The following ITGA8 variants were observed in gnomAD, a reference collection of about 807,000 sequenced individuals.
ITGA8 encodes integrin subunit alpha 8.
Under a neutral mutation model 142.3 loss-of-function variants are expected in ITGA8, and 91 were observed. The observed-to-expected ratio is 0.64, with a 90% CI of 0.54 to 0.76. ITGA8 has a LOEUF of 0.76. Ranked by LOEUF, ITGA8 falls within the 30% of genes least tolerant of loss-of-function variation. ITGA8 has a pLI of 0.00. For synonymous variants in ITGA8, 505 were observed against 485.2 expected (o/e 1.04, Z -0.54); for missense variants, 1,406 against 1,327.7 (o/e 1.06, Z -0.92).
chr10:15,694,913 G>A (rs949525732), intron 2 of ITGA8, among the ~76,000 whole-genome samples: 14 of 151,634 alleles, frequency 9.2e-5, no homozygotes, highest in Admixed American at 6.6e-4. Flanking sequence ...TACTAACCAC[G>A]AAAAGGAGAC....
chr10:15,683,288 T>TCCGTCCAC (rs1834772939), intron 4 of ITGA8, among the ~76,000 whole-genome samples: 2 of 103,420 alleles, frequency 1.9e-5, no homozygotes, highest in African/African-American at 6.8e-5. Flanking sequence ...CATCCATCCA[T>TCCGTCCAC]CCATCCACCC....
intron 13 of ITGA8, among the ~76,000 whole-genome samples, chr10:15,634,615 A>G (rs1016653970): frequency 1.3e-5 from 2 of 152,182 alleles, no homozygotes; most frequent in African/African-American, 2.4e-5. Flanking sequence ...AAGTCACTCA[A>G]CACATACTTG....
intron 2 of ITGA8, among the ~76,000 whole-genome samples, chr10:15,708,592 A>G (rs1835304870): frequency 6.6e-6 from 1 of 152,220 alleles, no homozygotes; most frequent in Non-Finnish European, 1.5e-5. Flanking sequence ...AAATTAAAAA[A>G]AAAGTTTTAA....
chr10:15,585,180 T>C (rs1832801282), intron 23 of ITGA8, among the ~76,000 whole-genome samples: 1 of 152,068 alleles, frequency 6.6e-6, no homozygotes, highest in Admixed American at 6.6e-5. Context: ...ATACATAAAA[T>C]ACGATTTTAT....
At chr10:15,704,441 C>T (rs149645806) in intron 2 of ITGA8, among the ~76,000 whole-genome samples, 190 of 152,272 alleles carry the variant, frequency 1.2e-3, no homozygotes, top group African/African-American at 4.2e-3. Flanking sequence ...TTCTCAAATG[C>T]GAAACCAGGT....
Position 15,644,639 on chromosome 10 carries a change from T to C in ITGA8, c.1208-418A>G, listed in dbSNP as rs996624106. ...CCACTGTGCTTGGCCATAGAGACGT[T>C]TCTTTTTTAAGTACAGAAGAATGGT... On this transcript the variant is annotated intron_variant, in intron 12 of 29. Transcript: ENST00000378076. Among the ~76,000 whole-genome samples, 5 of 150,254 alleles carry C rather than the reference T, an allele frequency of 3.3e-5. No homozygotes were observed. In the East Asian group the frequency reaches 9.9e-4, roughly 30 times the overall value.
intron 25 of ITGA8, among the ~76,000 whole-genome samples, chr10:15,563,013 A>G (rs1834011111): frequency 6.6e-6 from 1 of 152,202 alleles, no homozygotes; most frequent in Non-Finnish European, 1.5e-5. Context: ...CTCTGAGTTC[A>G]TATGAGATCT....
At chr10:15,684,805 TAATC>T (rs1157605140) in intron 3 of ITGA8, among the ~76,000 whole-genome samples, 1 of 152,222 alleles carries the variant, frequency 6.6e-6, no homozygotes, top group Non-Finnish European at 1.5e-5. Flanking sequence ...AACAGTGAAT[TAATC>T]AGTGTGATGT....
intron 13 of ITGA8, among the ~76,000 whole-genome samples, chr10:15,631,946 G>T (rs1254840507): frequency 6.6e-6 from 1 of 151,928 alleles, no homozygotes; most frequent in Non-Finnish European, 1.5e-5. Context: ...AACTTAAACT[G>T]ACAAATGATT....
intron 7 of ITGA8, 34 bp from the exon 8 acceptor site, chr10:15,671,681 C>G (rs1834522858): frequency 6.5e-7 from 1 of 1,538,108 alleles, no homozygotes; most frequent in South Asian, 1.1e-5. Context: ...ACTAATCACA[C>G]TTAATGACTT....
intron 13 of ITGA8, among the ~76,000 whole-genome samples, chr10:15,628,791 C>T (rs1004868195): frequency 1.3e-5 from 2 of 151,904 alleles, no homozygotes; most frequent in Non-Finnish European, 2.9e-5. Flanking sequence ...CCTTGACTTG[C>T]TCATGACACA....
intron 13 of ITGA8, among the ~76,000 whole-genome samples, chr10:15,627,682 G>C (rs1375113805): frequency 6.6e-6 from 1 of 152,188 alleles, no homozygotes; most frequent in Non-Finnish European, 1.5e-5. Context: ...AACATCTGAT[G>C]GCACAGGCCT....
chr10:15,533,311 T>C (rs1833350100), intron 27 of ITGA8, among the ~76,000 whole-genome samples: 1 of 152,240 alleles, frequency 6.6e-6, no homozygotes, highest in South Asian at 2.1e-4. Flanking sequence ...TAAACAACTC[T>C]ACTCATTTGG....
At chr10:15,553,521 G>T (rs946119441) in intron 26 of ITGA8, among the ~76,000 whole-genome samples, 1 of 152,148 alleles carries the variant, frequency 6.6e-6, no homozygotes, top group Non-Finnish European at 1.5e-5. Context: ...TTTAAAGTGT[G>T]CAGTTTGGTG....
rs13376907 is a variant in ITGA8, at chr10:15,585,859, C to T, written c.2372+725G>A. On this transcript the variant is annotated intron_variant, in intron 23 of 29. Coordinates refer to ENST00000378076, the MANE Select transcript of ITGA8 (RefSeq NM_003638.3). Reference sequence around the variant, plus strand: ...AAAATATAGATCCAATCGACCCTTGCATCTGAGAGTTAGTCATTTATTAAA... The same window carrying T: ...AAAATATAGATCCAATCGACCCTTGTATCTGAGAGTTAGTCATTTATTAAA... 3.8e-3 allele frequency among the ~76,000 whole-genome samples: 573 copies of T among 152,176 alleles called. 2 individuals carry two copies. The highest frequency in any genetic ancestry group is 0.013 in the African/African-American group (540 of 41,506).
intron 21 of ITGA8, chr10:15,596,489 A>C (rs1469670989): frequency 6.6e-6 from 1 of 152,242 alleles, no homozygotes; most frequent in African/African-American, 2.4e-5. Flanking sequence ...ATCCATGGTA[A>C]CCAATAATAA....
chr10:15,670,116 G>A lies in ITGA8; in HGVS notation c.847+1487C>T, dbSNP rs369460865. Among the ~76,000 whole-genome samples the A allele has an allele frequency of 9.2e-5, 14 of 152,260 alleles. 1 individual carries two copies. The South Asian group carries it at 1.0e-3, about 11-fold the overall frequency. On this transcript the variant is annotated intron_variant, in intron 8 of 29. Coordinates refer to ENST00000378076, the MANE Select transcript of ITGA8 (RefSeq NM_003638.3). ...CTGTAGACCAGAGCTGTTCCTATTC[G>A]GCCATCTTGGCTCCCAACTCCATTT...
chr10:15,643,013 C>T (rs965484066), intron 13 of ITGA8, among the ~76,000 whole-genome samples: 10 of 152,152 alleles, frequency 6.6e-5, no homozygotes, highest in African/African-American at 1.2e-4. Context: ...CCATCTTAAA[C>T]ATAAAAGTGA....
intron 26 of ITGA8, among the ~76,000 whole-genome samples, chr10:15,556,564 A>G (rs746164727): frequency 7.9e-5 from 12 of 152,006 alleles, no homozygotes; most frequent in Non-Finnish European, 1.5e-4. Flanking sequence ...TTATATATCT[A>G]TTGTAATTTT....
Sources: allele counts gnomAD v4.1 joint callset (sites outside exome capture counted in the v4.1 genomes callset), GRCh38; gene constraint gnomAD v4.1.1; transcripts MANE v1.5; gene names NCBI Gene and HGNC (gene_info 2026-07-23, HGNC 2026-07-21).